Variants in HUWE1 observed in about 807,000 individuals in gnomAD.
The protein encoded by HUWE1 is HECT, UBA and WWE domain containing E3 ubiquitin protein ligase 1.
HUWE1 carries 18 observed loss-of-function variants against 299.4 expected under a neutral mutation model. That is an observed-to-expected ratio of 0.06 (90% CI 0.04 to 0.09). The LOEUF (loss-of-function observed/expected upper bound fraction) is 0.09. Among genes scored for constraint, HUWE1 ranks in the 10% least tolerant of loss-of-function variants. HUWE1 has a pLI of 1.00. For missense variants in HUWE1, 1,832 were observed against 3,462.3 expected (o/e 0.53, Z 11.82); for synonymous variants, 1,317 against 1,286.1 (o/e 1.02, Z -0.51).
intron 68 of HUWE1, among the ~76,000 whole-genome samples, chrX:53,547,273 A>T (rs781807273): frequency 1.0e-3 from 117 of 112,093 alleles, no homozygotes; most frequent in African/African-American, 3.6e-3. Context: ...ATCACACTGT[A>T]TCCTGCCCGC....
Position 53,593,604 on chromosome X carries a change from A to G in HUWE1, c.3504-3T>C, listed in dbSNP as rs782127990. The G allele has an allele frequency of 5.1e-6, 6 of 1,171,653 alleles. No homozygotes were observed. Among genetic ancestry groups the G allele is most frequent in the Middle Eastern group, 2.3e-4 (1 of 4,263 alleles). On this transcript the variant is annotated splice_region_variant and splice_polypyrimidine_tract_variant and intron_variant, in intron 31 of 83. Coordinates refer to ENST00000262854, the MANE Select transcript of HUWE1 (RefSeq NM_031407.7). ...TGGACAGAGCCCAGTTGAAAGTTCT[A>G]AATTCAAATAAGGAAAAGTAGACAG...
rs1051485037 is a variant in HUWE1, at chrX:53,634,407, A to G, written c.505-109T>C. The G allele has an allele frequency of 9.1e-5, 50 of 552,204 alleles. No individual in the cohort carries two copies. The African/African-American group carries it at 9.8e-4, about 11-fold the overall frequency. The allele number at this position is 552,204 out of a possible 1,213,427, so 45.5% of individuals were successfully genotyped here. A position where few individuals can be genotyped will look rare whatever the true frequency, so the allele number is the denominator to read the frequency against. On this transcript the variant is annotated intron_variant, in intron 7 of 83. Coordinates refer to ENST00000262854, the MANE Select transcript of HUWE1 (RefSeq NM_031407.7). ...ACCTTATCTCTCTTTCTCTCTATGTATATACACATACATATATATATTTAA... is the reference window on the plus strand; with the variant it reads ...ACCTTATCTCTCTTTCTCTCTATGTGTATACACATACATATATATATTTAA...
At chrX:53,646,517 T>C (rs1479230506) in intron 6 of HUWE1, among the ~76,000 whole-genome samples, 1 of 111,644 alleles carries the variant, frequency 9.0e-6, no homozygotes, top group East Asian at 2.8e-4. Flanking sequence ...TTGGTCAGAA[T>C]TAAAATCAGT....
At chrX:53,571,360 C>T (rs1324812584) in intron 47 of HUWE1, among the ~76,000 whole-genome samples, 1 of 112,390 alleles carries the variant, frequency 8.9e-6, no homozygotes, top group Non-Finnish European at 1.9e-5. Context: ...GCCTGTAATC[C>T]TAGCATTTTG....
In HUWE1 at chrX:53,577,001, G is replaced by A; in HGVS notation, c.5783C>T (p.Thr1928Ile). Residue 1928 changes from threonine to isoleucine, a missense_variant, in exon 44 of 84, where the codon ACC (threonine) becomes ATC (isoleucine). Physicochemically the swap from Thr to Ile is moderately conservative, Grantham distance 89. Around this residue, in one of 15 missense-constraint regions of HUWE1, gnomAD observed 47 missense variants for 45.8 expected, o/e 1.03. Coordinates refer to ENST00000262854, the MANE Select transcript of HUWE1 (RefSeq NM_031407.7). ...GPNAVQLVKT[T>I]PLKPSPLPVI... The stretch of plus-strand genomic sequence containing the variant: ...AGGCAGAGGTGAGGGCTTCAAAGGG[G>A]TGGTCTTCACCAGCTGTACAGCATT... 8.3e-7 allele frequency: 1 copy of A among 1,206,329 alleles called. No individual in the cohort carries two copies. The highest frequency in any genetic ancestry group is 1.1e-6 in the Non-Finnish European group (1 of 890,665).
chrX:53,625,260 TG>T lies in HUWE1; in HGVS notation c.1490-3del. The T allele has an allele frequency of 8.6e-7, 1 of 1,159,505 alleles. No individual in the cohort carries two copies. The highest frequency in any genetic ancestry group is 1.2e-6 in the Non-Finnish European group (1 of 847,741). ...CTCGTTGTGGAATACACTGGACTCCTGGCAATGAAGAAAGACAAAAGAATTA... is the reference window on the plus strand; with the variant it reads ...CTCGTTGTGGAATACACTGGACTCCTGCAATGAAGAAAGACAAAAGAATTA... On this transcript the variant is annotated splice_polypyrimidine_tract_variant and splice_region_variant and intron_variant, in intron 17 of 83. Coordinates refer to ENST00000262854, the MANE Select transcript of HUWE1 (RefSeq NM_031407.7).
intron 29 of HUWE1, among the ~76,000 whole-genome samples, chrX:53,596,311 G>A (rs1156967734): frequency 9.0e-6 from 1 of 111,064 alleles, no homozygotes; most frequent in Non-Finnish European, 1.9e-5. Context: ...AAAACTCTCA[G>A]ATGAAACATG....
chrX:53,539,602 A>C, intron 75 of HUWE1, 55 bp downstream of exon 75: 8 of 1,123,990 alleles, frequency 7.1e-6, no homozygotes, highest in Non-Finnish European at 9.8e-6. Context: ...GCTGGCAGGA[A>C]GGGCCCCAGA....
In HUWE1 at chrX:53,543,624, T is replaced by A. The variant is rs2061439902; in HGVS notation, c.11379+217A>T. ...CCACTGTTGACTGGATAGCTGGGAG[T>A]GGGGTATGATGGCCAAGCTTTAAAT... On this transcript the variant is annotated intron_variant, in intron 73 of 83. Coordinates refer to ENST00000262854, the MANE Select transcript of HUWE1 (RefSeq NM_031407.7). 17 of 479,024 alleles carry A rather than the reference T, an allele frequency of 3.5e-5. No individual in the cohort carries two copies. The South Asian group carries it at 5.4e-4, about 15-fold the overall frequency. The allele number at this position is 479,024 out of a possible 1,213,427, so 39.5% of individuals were successfully genotyped here.
chrX:53,686,184 C>T (rs2070422163), intron 2 of HUWE1, 86 bp downstream of exon 2: 1 of 113,131 alleles, frequency 8.8e-6, no homozygotes, highest in Non-Finnish European at 1.9e-5. Context: ...TCCTCTGAGG[C>T]CGCCTTCCTC....
rs199711260 is a variant in HUWE1, at chrX:53,631,632, A to G, written c.646-18T>C. On this transcript the variant is annotated intron_variant, in intron 9 of 83. Transcript: ENST00000262854. Reference sequence around the variant, plus strand: ...CTAGTTGTCTAAAATTAAAAAAGACAAGAGAGCTGTAAGGAGTCACTGAAC... The same window carrying G: ...CTAGTTGTCTAAAATTAAAAAAGACGAGAGAGCTGTAAGGAGTCACTGAAC... The G allele has an allele frequency of 9.2e-4, 1,052 of 1,144,688 alleles. 5 individuals are homozygous for G. The highest frequency in any genetic ancestry group is 8.0e-3 in the African/African-American group (447 of 55,970). The allele number at this position is 1,144,688 out of a possible 1,213,427, so 94.3% of individuals were successfully genotyped here. A position where few individuals can be genotyped will look rare whatever the true frequency, so the allele number is the denominator to read the frequency against.
At chrX:53,649,020 C>T (rs145953924) in intron 4 of HUWE1, among the ~76,000 whole-genome samples, 5 of 111,770 alleles carry the variant, frequency 4.5e-5, no homozygotes, top group East Asian at 2.8e-4. Context: ...AGAAGCCTTC[C>T]GTTAATGAAT....
chrX:53,570,444 C>T (rs1379165662), intron 47 of HUWE1, among the ~76,000 whole-genome samples: 1 of 112,426 alleles, frequency 8.9e-6, no homozygotes, highest in African/African-American at 3.2e-5. Flanking sequence ...AACCTTGATT[C>T]TTAATTAAGT....
chrX:53,563,449 C>T (rs1179131067), intron 52 of HUWE1, among the ~76,000 whole-genome samples: 2 of 111,104 alleles, frequency 1.8e-5, no homozygotes, highest in Non-Finnish European at 3.8e-5. Flanking sequence ...GCTTTCTCAC[C>T]CTACAGCCTC....
rs782751730 is a variant in HUWE1 at position 53,548,977 on chromosome X, T to C, written c.10017A>G (p.Thr3339=). The change falls in exon 67 of 84, where the codon ACA becomes ACG. Residue 3339 remains threonine (T), a synonymous_variant. Coordinates refer to ENST00000262854, the MANE Select transcript of HUWE1 (RefSeq NM_031407.7). The part of the protein sequence containing the change: ...APVVCRHVLD[T]LIQLAKVFPS... ...CCCTCACCTTGGCCAATTGAATGAG[T>C]GTATCCAAAACGTGTCTGCAGACAA... 60 of 1,199,444 alleles carry C rather than the reference T, an allele frequency of 5.0e-5. No individual in the cohort carries two copies. The highest frequency in any genetic ancestry group is 6.7e-5 in the Non-Finnish European group (60 of 889,672).
intron 70 of HUWE1, among the ~76,000 whole-genome samples, chrX:53,545,588 TAA>T (rs1423281137): frequency 9.0e-6 from 1 of 111,717 alleles, no homozygotes; most frequent in Non-Finnish European, 1.9e-5. Flanking sequence ...CTGTGACAAT[TAA>T]GAGATAATTA....
At chrX:53,575,020 G>A (rs1320363288) in intron 46 of HUWE1, 135 bp downstream of exon 46, 3 of 525,102 alleles carry the variant, frequency 5.7e-6, no homozygotes, top group Non-Finnish European at 1.0e-5. Context: ...GAGCTCACCT[G>A]AGAAAGTTCA....
chrX:53,627,265 C>G, intron 17 of HUWE1, 145 bp downstream of exon 17: 2 of 391,348 alleles, frequency 5.1e-6, no homozygotes, highest in Non-Finnish European at 8.9e-6. Flanking sequence ...TTGCAAATCA[C>G]TTACATAGAA....
At chrX:53,572,793 T>C (rs782346507) in intron 47 of HUWE1, among the ~76,000 whole-genome samples, 1 of 112,005 alleles carries the variant, frequency 8.9e-6, no homozygotes, top group African/African-American at 3.2e-5. Flanking sequence ...ATCTGGAAGA[T>C]GAACACCTAT....
Sources: allele counts gnomAD v4.1 joint callset (sites outside exome capture counted in the v4.1 genomes callset), GRCh38; gene constraint gnomAD v4.1.1; regional missense constraint gnomAD v4.1.1; transcripts MANE v1.5; gene names NCBI Gene and HGNC (gene_info 2026-07-23, HGNC 2026-07-21).